TEC: variants seen among roughly 807,000 people sequenced by gnomAD.
The protein encoded by TEC is tyrosine-protein kinase Tec.
TEC carries 72 observed loss-of-function variants against 93.0 expected under a neutral mutation model. That is an observed-to-expected ratio of 0.77 (90% CI 0.64 to 0.94). The LOEUF is 0.94. TEC is among the 40% of genes least tolerant of loss of function. TEC has a pLI of 0.00. For missense variants in TEC, 630 were observed against 757.9 expected (o/e 0.83, Z 1.98); for synonymous variants, 249 against 247.7 (o/e 1.01, Z -0.05).
chr4:48,178,996 C>A (rs1431705531), intron 2 of TEC, among the ~76,000 whole-genome samples: 1 of 152,134 alleles, frequency 6.6e-6, no homozygotes, highest in African/African-American at 2.4e-5. Context: ...TTGTAAGCCA[C>A]CTTCTGAGAT....
chr4:48,203,190 C>T (rs1722588622), intron 2 of TEC, among the ~76,000 whole-genome samples: 1 of 151,988 alleles, frequency 6.6e-6, no homozygotes, highest in African/African-American at 2.4e-5. Context: ...ACAGTGAAAC[C>T]CTGTCTTTAC....
chr4:48,167,251 A>G (rs1720905409), intron 7 of TEC, among the ~76,000 whole-genome samples: 1 of 152,142 alleles, frequency 6.6e-6, no homozygotes, highest in African/African-American at 2.4e-5. Context: ...ATATACATAC[A>G]CAAACACATA....
intron 1 of TEC, among the ~76,000 whole-genome samples, chr4:48,252,385 CT>C (rs999996698): frequency 6.0e-4 from 91 of 152,210 alleles, no homozygotes; most frequent in African/African-American, 2.0e-3. Flanking sequence ...GTTGAGTCTG[CT>C]TAATTTTTTT....
chr4:48,246,270 T>A (rs1433735167), intron 1 of TEC, among the ~76,000 whole-genome samples: 2 of 151,970 alleles, frequency 1.3e-5, no homozygotes, highest in African/African-American at 4.8e-5. Context: ...TAGAAATAAA[T>A]TTAAAAAGAC....
intron 3 of TEC, 89 bp downstream of exon 3, chr4:48,175,993 C>A: frequency 1.0e-6 from 1 of 998,546 alleles, no homozygotes; most frequent in Non-Finnish European, 1.5e-6. Context: ...TACAAATCAG[C>A]CAGCAAAGCA....
At chr4:48,175,079 T>C (rs1721270016) in intron 3 of TEC, among the ~76,000 whole-genome samples, 1 of 152,158 alleles carries the variant, frequency 6.6e-6, no homozygotes, top group Non-Finnish European at 1.5e-5. Flanking sequence ...TCCCTGTCCT[T>C]CACTCAGAGA....
At chr4:48,225,194 T>C (rs1723406133) in intron 2 of TEC, among the ~76,000 whole-genome samples, 1 of 152,070 alleles carries the variant, frequency 6.6e-6, no homozygotes, top group Non-Finnish European at 1.5e-5. Context: ...TTTCCTTTTT[T>C]AGATGGAGTC....
At chr4:48,256,924 T>G (rs1560427259) in intron 1 of TEC, among the ~76,000 whole-genome samples, 1 of 152,222 alleles carries the variant, frequency 6.6e-6, no homozygotes, top group Admixed American at 6.5e-5. Flanking sequence ...GACAGCCACT[T>G]GCCACCAATA....
chr4:48,176,247 T>C (rs1194436097), intron 2 of TEC, 61 bp from the exon 3 acceptor site: 8 of 1,312,656 alleles, frequency 6.1e-6, no homozygotes, highest in Non-Finnish European at 5.4e-6. Flanking sequence ...TTAACAGTAA[T>C]ATTGTTAAGG....
chr4:48,213,650 C>T (rs1478294414), intron 2 of TEC, among the ~76,000 whole-genome samples: 2 of 152,210 alleles, frequency 1.3e-5, no homozygotes, highest in African/African-American at 4.8e-5. Flanking sequence ...GTTTTAGAAA[C>T]AACTCAAAAT....
At chr4:48,248,284 T>C (rs1244431602) in intron 1 of TEC, among the ~76,000 whole-genome samples, 2 of 152,168 alleles carry the variant, frequency 1.3e-5, no homozygotes, top group African/African-American at 4.8e-5. Context: ...GGCCTGGATA[T>C]CTAGGGTGGC....
chr4:48,181,395 C>A (rs1721576608), intron 2 of TEC, among the ~76,000 whole-genome samples: 1 of 152,044 alleles, frequency 6.6e-6, no homozygotes, highest in Admixed American at 6.5e-5. Context: ...ATTGGAAGGG[C>A]TGGGCACCGT....
In TEC at chr4:48,145,475, C is replaced by A. The variant is rs752469056; in HGVS notation, c.1186G>T (p.Ala396Ser). ...LGKWRAQYKVAIKAIREGAMC... is the reference protein window; with the variant it reads ...LGKWRAQYKVSIKAIREGAMC... ...GCACCTTCCCGAATAGCTTTGATTG[C>A]GACTTTGTACTGGGCTCGCCATTTG... The change falls in exon 13 of 18, where the codon GCA becomes TCA. Residue 396 changes from alanine to serine, a missense_variant. By Grantham distance (99) the Ala-to-Ser change is moderately conservative. This residue lies in a region of TEC where 289 missense variants were observed against 390.0 expected (regional missense o/e 0.74). Coordinates refer to ENST00000381501, the MANE Select transcript of TEC (RefSeq NM_003215.3). The A allele has an allele frequency of 1.9e-6, 3 of 1,614,016 alleles. No homozygotes were observed. The highest frequency in any genetic ancestry group is 2.5e-6 in the Non-Finnish European group (3 of 1,180,028).
rs1721395559 is a variant in TEC, at chr4:48,177,872, G to GCT, written c.139-1688_139-1687dup. Among the ~76,000 whole-genome samples the GCT allele has an allele frequency of 2.6e-5, 4 of 151,808 alleles. No individual in the cohort carries two copies. The South Asian group carries it at 6.2e-4, about 24-fold the overall frequency. On this transcript the variant is annotated intron_variant, in intron 2 of 17. Transcript: ENST00000381501. The stretch of plus-strand genomic sequence containing the variant: ...CTTTCCCTTTTACTCATTTCTGCTC[G>GCT]CTCTCTCTCTCTTGCCTGCCGCCAT...
chr4:48,221,277 G>A (rs536741470), intron 2 of TEC, among the ~76,000 whole-genome samples: 1 of 152,310 alleles, frequency 6.6e-6, no homozygotes, highest in Non-Finnish European at 1.5e-5. Context: ...TGTTGTGGGA[G>A]GGACCCAGTG....
intron 2 of TEC, among the ~76,000 whole-genome samples, chr4:48,202,381 C>G (rs1722557173): frequency 1.3e-5 from 2 of 151,988 alleles, no homozygotes; most frequent in Non-Finnish European, 2.9e-5. Context: ...GCCTAGCCAA[C>G]AAGCCAAAAC....
chr4:48,266,994 C>T (rs1230731156), intron 1 of TEC, among the ~76,000 whole-genome samples: 1 of 152,232 alleles, frequency 6.6e-6, no homozygotes, highest in African/African-American at 2.4e-5. Context: ...GCCAACTCAT[C>T]ATCTTCCACA....
At chr4:48,146,301 A>T (rs1422929354) in intron 12 of TEC, 24 bp downstream of exon 12, 1 of 1,609,172 alleles carries the variant, frequency 6.2e-7, no homozygotes, top group Non-Finnish European at 8.5e-7. Context: ...AAATTAGCTC[A>T]TGCAACCACA....
intron 1 of TEC, among the ~76,000 whole-genome samples, chr4:48,264,762 G>A (rs546998126): frequency 5.9e-5 from 9 of 151,924 alleles, no homozygotes; most frequent in African/African-American, 2.2e-4. Context: ...TCAGCCTGCT[G>A]AGTAGCTGGG....
Sources: allele counts gnomAD v4.1 joint callset (sites outside exome capture counted in the v4.1 genomes callset), GRCh38; gene constraint gnomAD v4.1.1; regional missense constraint gnomAD v4.1.1; transcripts MANE v1.5; gene names NCBI Gene and HGNC (gene_info 2026-07-23, HGNC 2026-07-21).